The following PRKD1 variants were observed in gnomAD, a reference collection of about 807,000 sequenced individuals.
The protein encoded by PRKD1 is protein kinase D1.
A neutral mutation model predicts 95.9 loss-of-function variants in PRKD1; 63 were observed. That is an observed-to-expected ratio of 0.66 (90% CI 0.54 to 0.81). The LOEUF is 0.81. Among genes scored for constraint, PRKD1 ranks in the 30% least tolerant of loss-of-function variants. The pLI, the probability that PRKD1 is intolerant of heterozygous loss-of-function variation, is 0.00. For synonymous variants in PRKD1, 425 were observed against 423.1 expected, an observed-to-expected ratio of 1.00 and a Z score of -0.05; for missense variants, 1,048 against 1,165.3, an observed-to-expected ratio of 0.90 and a Z score of 1.47.
chr14:29,741,217 G>A (rs1026331323), intron 1 of PRKD1, among the ~76,000 whole-genome samples: 6 of 152,098 alleles, frequency 3.9e-5, no homozygotes, highest in African/African-American at 1.4e-4. Flanking sequence ...CATAACACAA[G>A]TTTACCTATA....
At chr14:29,854,906 T>C (rs1483863522) in intron 1 of PRKD1, among the ~76,000 whole-genome samples, 1 of 152,188 alleles carries the variant, frequency 6.6e-6, no homozygotes, top group African/African-American at 2.4e-5. Flanking sequence ...GCCCCAAGTC[T>C]TGGCAGCTTC....
At chr14:29,661,149 T>A (rs527388946) in intron 4 of PRKD1, among the ~76,000 whole-genome samples, 1 of 152,190 alleles carries the variant, frequency 6.6e-6, no homozygotes, top group Non-Finnish European at 1.5e-5. Context: ...GAATTACCAA[T>A]GTCGTAATCT....
intron 1 of PRKD1, among the ~76,000 whole-genome samples, chr14:29,742,345 A>G (rs1156506193): frequency 6.6e-6 from 1 of 152,170 alleles, no homozygotes; most frequent in Admixed American, 6.5e-5. Flanking sequence ...AGCTGAACTG[A>G]CGGCCAATAG....
intron 2 of PRKD1, among the ~76,000 whole-genome samples, chr14:29,722,145 TA>T (rs375167149): frequency 1.4e-4 from 22 of 152,342 alleles, no homozygotes; most frequent in African/African-American, 4.8e-4. Flanking sequence ...GGTAGATTGT[TA>T]GTTAAATATA....
In PRKD1 at chr14:29,578,363, G is replaced by GA; in HGVS notation, c.2435-4dup. The GA allele has an allele frequency of 1.3e-6, 2 of 1,599,768 alleles. No homozygotes were observed. The highest frequency in any genetic ancestry group is 2.2e-5 in the East Asian group (1 of 44,576). The stretch of plus-strand genomic sequence containing the variant: ...CAAATTGTTGATAAGATCAATGGCT[G>GA]AAAAAAATTACCAGTAAAAATAGAT... On this transcript the variant is annotated splice_polypyrimidine_tract_variant and splice_region_variant and intron_variant, in intron 16 of 17. Coordinates refer to ENST00000331968, the MANE Select transcript of PRKD1 (RefSeq NM_002742.3).
chr14:29,586,599 C>T (rs182454983), intron 16 of PRKD1, among the ~76,000 whole-genome samples: 1 of 152,232 alleles, frequency 6.6e-6, no homozygotes, highest in East Asian at 1.9e-4. Flanking sequence ...GAAATGTGTA[C>T]TTTGTAATGA....
chr14:29,627,188 T>C (rs1259313513), intron 11 of PRKD1, among the ~76,000 whole-genome samples: 1 of 152,258 alleles, frequency 6.6e-6, no homozygotes, highest in African/African-American at 2.4e-5. Context: ...CCTGTTGAGA[T>C]GGCTATTTGG....
chr14:29,737,994 G>T (rs548627097), intron 1 of PRKD1, among the ~76,000 whole-genome samples: 21 of 152,224 alleles, frequency 1.4e-4, no homozygotes, highest in African/African-American at 5.1e-4. Context: ...CAATATAGTT[G>T]TAACAACAAA....
At chr14:29,672,346 AAAAAT>A (rs540578140) in intron 2 of PRKD1, among the ~76,000 whole-genome samples, 50 of 151,604 alleles carry the variant, frequency 3.3e-4, no homozygotes, top group African/African-American at 8.0e-4. Context: ...GTCTCAAAAA[AAAAAT>A]AAAATAAAAT....
rs1465566110 is a variant in PRKD1 at position 29,676,025 on chromosome 14, T to C, written c.404-9817A>G. ...GGATAACATTAGGAGATATACCTAA[T>C]GTAAATGACGCGTTAATGGGTGCAG... On this transcript the variant is annotated intron_variant, in intron 2 of 17. Coordinates refer to ENST00000331968, the MANE Select transcript of PRKD1 (RefSeq NM_002742.3). 3.3e-5 allele frequency among the ~76,000 whole-genome samples: 5 copies of C among 151,018 alleles called. No individual in the cohort carries two copies. The South Asian group carries it at 1.1e-3, about 32-fold the overall frequency.
rs144155155 is a variant in PRKD1 at position 29,647,710 on chromosome 14, C to T, written c.697-8806G>A. The stretch of plus-strand genomic sequence containing the variant: ...CAGTCCTAGGCCACAAAGGTGAGAG[C>T]CTCTCCCTTCAAAAATGGCCCATAA... On this transcript the variant is annotated intron_variant, in intron 4 of 17. Coordinates refer to ENST00000331968, the MANE Select transcript of PRKD1 (RefSeq NM_002742.3). Among the ~76,000 whole-genome samples, 252 of 152,270 alleles carry T rather than the reference C, an allele frequency of 1.7e-3. 1 individual carries two copies. Among genetic ancestry groups the T allele is most frequent in the African/African-American group, 5.5e-3 (229 of 41,556 alleles).
At chr14:29,687,645 C>T (rs954784455) in intron 2 of PRKD1, among the ~76,000 whole-genome samples, 4 of 152,154 alleles carry the variant, frequency 2.6e-5, no homozygotes, top group Non-Finnish European at 5.9e-5. Flanking sequence ...ACTTAGAAAT[C>T]CAGAGATATC....
chr14:29,653,155 T>G (rs1881616078), intron 4 of PRKD1, among the ~76,000 whole-genome samples: 2 of 152,218 alleles, frequency 1.3e-5, no homozygotes, highest in South Asian at 4.1e-4. Context: ...GGCCAATTGT[T>G]ATTTAGAAAA....
chr14:29,871,518 G>A (rs1356765870), intron 1 of PRKD1, among the ~76,000 whole-genome samples: 1 of 152,086 alleles, frequency 6.6e-6, no homozygotes, highest in South Asian at 2.1e-4. Flanking sequence ...ATGTGACCTC[G>A]AACAAGTGAC....
intron 1 of PRKD1, among the ~76,000 whole-genome samples, chr14:29,787,131 A>T (rs2139183851): frequency 6.8e-6 from 1 of 147,416 alleles, no homozygotes; most frequent in East Asian, 2.0e-4. Context: ...ATGTATTTGT[A>T]TAGTTTCCAA....
At chr14:29,879,445 G>A (rs112608651) in intron 1 of PRKD1, among the ~76,000 whole-genome samples, 29 of 152,114 alleles carry the variant, frequency 1.9e-4, no homozygotes, top group African/African-American at 6.0e-4. Context: ...AGTACCTTTC[G>A]CCTCCCGCCA....
At chr14:29,915,108 T>G (rs1308858086) in intron 1 of PRKD1, among the ~76,000 whole-genome samples, 1 of 152,198 alleles carries the variant, frequency 6.6e-6, no homozygotes. Flanking sequence ...ATTCATTGAT[T>G]TACACTGATA....
intron 13 of PRKD1, among the ~76,000 whole-genome samples, chr14:29,613,927 C>A (rs1401057108): frequency 1.3e-5 from 2 of 152,160 alleles, no homozygotes; most frequent in Non-Finnish European, 2.9e-5. Context: ...ACATTTGTAT[C>A]CCTACTATGT....
At chr14:29,892,748 TA>T (rs756637119) in intron 1 of PRKD1, among the ~76,000 whole-genome samples, 4 of 152,166 alleles carry the variant, frequency 2.6e-5, no homozygotes, top group Non-Finnish European at 5.9e-5. Context: ...GTTGGTACTT[TA>T]AAACTGATTA....
Sources: allele counts gnomAD v4.1 joint callset (sites outside exome capture counted in the v4.1 genomes callset), GRCh38; gene constraint gnomAD v4.1.1; transcripts MANE v1.5; gene names NCBI Gene and HGNC (gene_info 2026-07-23, HGNC 2026-07-21).